SHANK2: variants seen among roughly 807,000 people sequenced by gnomAD.
The protein encoded by SHANK2 is SH3 and multiple ankyrin repeat domains 2, also known as SH3 and multiple ankyrin repeat domains protein 2.
In SHANK2, 43 loss-of-function variants were observed where a neutral mutation model predicts 133.7. That is an observed-to-expected ratio of 0.32 (90% CI 0.25 to 0.41). The LOEUF is 0.41. Among genes scored for constraint, SHANK2 ranks in the 10% least tolerant of loss-of-function variants. SHANK2 has a pLI of 1.00. For synonymous variants in SHANK2, 1,017 were observed against 952.8 expected (o/e 1.07, Z -1.24); for missense variants, 1,994 against 2,235.8 (o/e 0.89, Z 2.18).
At chr11:70,580,473 C>T (rs2060169763) in intron 17 of SHANK2, among the ~76,000 whole-genome samples, 1 of 152,252 alleles carries the variant, frequency 6.6e-6, no homozygotes, top group African/African-American at 2.4e-5. Flanking sequence ...AATTGGACCG[C>T]CAATGAGCGG....
intron 17 of SHANK2, among the ~76,000 whole-genome samples, chr11:70,548,082 G>A (rs1160643868): frequency 3.9e-5 from 6 of 152,208 alleles, no homozygotes; most frequent in African/African-American, 1.4e-4. Flanking sequence ...GGCTTGTACT[G>A]GACAGATGTG....
intron 11 of SHANK2, among the ~76,000 whole-genome samples, chr11:70,833,888 A>G (rs1360901090): frequency 6.6e-6 from 1 of 152,212 alleles, no homozygotes; most frequent in Non-Finnish European, 1.5e-5. Context: ...GTCCTGACCC[A>G]GGCCAGGACA....
At chr11:71,114,015 GC>G (rs1191733063) in intron 4 of SHANK2, among the ~76,000 whole-genome samples, 1 of 152,126 alleles carries the variant, frequency 6.6e-6, no homozygotes, top group Non-Finnish European at 1.5e-5. Flanking sequence ...CCCTCCTCCA[GC>G]CCCCCGCTTG....
In SHANK2 at chr11:71,189,305, G is replaced by A. The variant is rs925908747; in HGVS notation, c.-13+35392C>T. On this transcript the variant is annotated intron_variant, in intron 2 of 25. Coordinates refer to ENST00000601538, the MANE Select transcript of SHANK2 (RefSeq NM_012309.5). The stretch of plus-strand genomic sequence containing the variant: ...GGCTTATTCCAGTCGCTGGTGCCTC[G>A]CTGGTGACCAATCAGTGCCTGTGTA... Among the ~76,000 whole-genome samples, 3 of 152,212 alleles carry A rather than the reference G, an allele frequency of 2.0e-5. No homozygotes were observed. In the East Asian group the frequency reaches 5.8e-4, roughly 29 times the overall value.
intron 8 of SHANK2, among the ~76,000 whole-genome samples, chr11:71,087,357 G>A (rs1415389039): frequency 6.6e-6 from 1 of 152,160 alleles, no homozygotes; most frequent in Non-Finnish European, 1.5e-5. Flanking sequence ...GGTGTGGGAG[G>A]GGAAAGGACG....
At chr11:70,879,230 T>C (rs1294151749) in intron 11 of SHANK2, among the ~76,000 whole-genome samples, 1 of 152,266 alleles carries the variant, frequency 6.6e-6, no homozygotes, top group Non-Finnish European at 1.5e-5. Context: ...TAGGTACATA[T>C]GCGTACAAGT....
At chr11:70,675,077 C>T (rs539595012) in intron 15 of SHANK2, among the ~76,000 whole-genome samples, 116 of 152,262 alleles carry the variant, frequency 7.6e-4, no homozygotes, top group African/African-American at 2.6e-3. Context: ...AAGGAGAACG[C>T]GTTTTAGAAA....
chr11:70,591,111 G>T (rs1484174806), intron 17 of SHANK2, among the ~76,000 whole-genome samples: 6 of 152,202 alleles, frequency 3.9e-5, no homozygotes, highest in African/African-American at 1.2e-4. Context: ...GGAGGCCGAG[G>T]TGGGCGGATC....
intron 3 of SHANK2, among the ~76,000 whole-genome samples, chr11:71,128,806 G>T (rs534199468): frequency 2.0e-5 from 3 of 152,212 alleles, no homozygotes; most frequent in Non-Finnish European, 1.5e-5. Flanking sequence ...CTTTTTTTGA[G>T]TCAGAGTCTC....
intron 14 of SHANK2, among the ~76,000 whole-genome samples, chr11:70,783,799 A>G (rs1171675727): frequency 4.6e-5 from 7 of 152,166 alleles, no homozygotes; most frequent in Admixed American, 1.3e-4. Context: ...CGCGCCACAC[A>G]GAAAAATTAA....
intron 14 of SHANK2, among the ~76,000 whole-genome samples, chr11:70,733,395 G>A (rs921180913): frequency 2.6e-5 from 4 of 152,204 alleles, no homozygotes; most frequent in African/African-American, 7.2e-5. Context: ...CCTGTGTGGT[G>A]GGTACAGTGA....
intron 17 of SHANK2, among the ~76,000 whole-genome samples, chr11:70,547,881 G>A (rs554875671): frequency 6.6e-5 from 10 of 152,336 alleles, no homozygotes; most frequent in Admixed American, 6.5e-4. Flanking sequence ...CTGCAAGCCC[G>A]AGGCTGAGCT....
At chr11:70,855,290 G>T (rs193292103) in intron 11 of SHANK2, among the ~76,000 whole-genome samples, 20 of 152,336 alleles carry the variant, frequency 1.3e-4, no homozygotes, top group Non-Finnish European at 2.4e-4. Context: ...ATTCTAGCAG[G>T]TGAGGAGTAA....
At chr11:70,898,904 G>A (rs1175765068) in intron 10 of SHANK2, among the ~76,000 whole-genome samples, 1 of 152,226 alleles carries the variant, frequency 6.6e-6, no homozygotes, top group Non-Finnish European at 1.5e-5. Context: ...TGAATGGAAG[G>A]TGATGGAGAT....
intron 17 of SHANK2, among the ~76,000 whole-genome samples, chr11:70,610,646 C>A (rs2060645680): frequency 6.6e-6 from 1 of 152,250 alleles, no homozygotes; most frequent in Non-Finnish European, 1.5e-5. Context: ...CCAGCCAGAG[C>A]TGCTGATCGG....
chr11:70,485,535 C>CGGCGGG lies in SHANK2; in HGVS notation c.4752_4757dup (p.Pro1585_Pro1586dup), dbSNP rs782653830. The CGGCGGG allele has an allele frequency of 3.1e-6, 5 of 1,612,540 alleles. No individual in the cohort carries two copies. The African/African-American group carries it at 4.0e-5, about 13-fold the overall frequency. On this transcript the variant is annotated inframe_insertion, in exon 25 of 26. Transcript: ENST00000601538. This position sits in a 1 kb window ranked among gnomAD's most constrained non-coding sequence, Gnocchi z 5.8. ...TGGCCATCCCAGGCTGGGCACTGCC[C>CGGCGGG]GGCGGGGGCGGGGGAGCGGGCGGGG...
At chr11:71,117,882 G>C (rs1346050003) in intron 4 of SHANK2, among the ~76,000 whole-genome samples, 1 of 152,198 alleles carries the variant, frequency 6.6e-6, no homozygotes, top group Non-Finnish European at 1.5e-5. Flanking sequence ...AACCCAAAAA[G>C]GGGGTGGTGG....
intron 2 of SHANK2, among the ~76,000 whole-genome samples, chr11:71,208,522 C>T (rs1260668875): frequency 1.3e-5 from 2 of 152,170 alleles, no homozygotes; most frequent in Non-Finnish European, 2.9e-5. Flanking sequence ...CCTCCCCACC[C>T]TCCCTTCCCG....
At chr11:71,147,848 G>C (rs1555107085) in intron 2 of SHANK2, among the ~76,000 whole-genome samples, 1 of 152,198 alleles carries the variant, frequency 6.6e-6, no homozygotes, top group Non-Finnish European at 1.5e-5. Flanking sequence ...AGCAATGATA[G>C]GTACCGTGTA....
Sources: allele counts gnomAD v4.1 joint callset (sites outside exome capture counted in the v4.1 genomes callset), GRCh38; gene constraint gnomAD v4.1.1; non-coding constraint Gnocchi (gnomAD v3.1); transcripts MANE v1.5; gene names NCBI Gene and HGNC (gene_info 2026-07-23, HGNC 2026-07-21).